The following CWF19L2 variants were observed in gnomAD, a reference collection of about 807,000 sequenced individuals.
CWF19L2 encodes the protein CWF19-like protein 2.
In CWF19L2, 98 loss-of-function variants were observed where a neutral mutation model predicts 111.7. The ratio of observed to expected loss-of-function variants is 0.88; its 90% CI spans 0.75 to 1.04. The LOEUF (loss-of-function observed/expected upper bound fraction) is 1.04, where lower values mean the gene tolerates loss of function less well. Ranked by LOEUF, CWF19L2 falls within the 50% of genes least tolerant of loss-of-function variation. The pLI, the probability that CWF19L2 is intolerant of heterozygous loss-of-function variation, is 0.00. For missense variants in CWF19L2, 1,101 were observed against 1,051.4 expected, an observed-to-expected ratio of 1.05 and a Z score of -0.65; for synonymous variants, 351 against 342.9, an observed-to-expected ratio of 1.02 and a Z score of -0.26.
intron 12 of CWF19L2, among the ~76,000 whole-genome samples, chr11:107,355,234 G>A (rs569134920): frequency 6.6e-6 from 1 of 152,094 alleles, no homozygotes; most frequent in South Asian, 2.1e-4. Context: ...TGACCAACAT[G>A]GTGAAACCCC....
At chr11:107,336,998 TA>T (rs1483392429) in intron 14 of CWF19L2, among the ~76,000 whole-genome samples, 1 of 152,124 alleles carries the variant, frequency 6.6e-6, no homozygotes, top group Non-Finnish European at 1.5e-5. Context: ...AAAGAAGTGA[TA>T]AAAATCAAAT....
At chr11:107,403,807 C>A in intron 10 of CWF19L2, 1 of 856,662 alleles carries the variant, frequency 1.2e-6, no homozygotes, top group South Asian at 1.3e-5. Flanking sequence ...CTTCTACTGT[C>A]AGACCGCACA....
chr11:107,328,025 C>T (rs1368008133), intron 17 of CWF19L2, among the ~76,000 whole-genome samples: 5 of 151,030 alleles, frequency 3.3e-5, no homozygotes, highest in African/African-American at 9.7e-5. Context: ...ACACAGTTGT[C>T]TTCAGACAGA....
intron 8 of CWF19L2, among the ~76,000 whole-genome samples, chr11:107,424,076 C>A (rs1320259098): frequency 1.3e-5 from 2 of 151,660 alleles, no homozygotes. Flanking sequence ...AAGGGGATCA[C>A]CAATATTCTG....
At chr11:107,447,690 C>T (rs1442903501) in intron 3 of CWF19L2, among the ~76,000 whole-genome samples, 2 of 152,156 alleles carry the variant, frequency 1.3e-5, no homozygotes, top group African/African-American at 4.8e-5. Context: ...AAAGGAAACT[C>T]AATACTCTCT....
In CWF19L2 at chr11:107,381,001, T is replaced by C. The variant is rs576793663; in HGVS notation, c.1872+9073A>G. On this transcript the variant is annotated intron_variant, in intron 12 of 17. Transcript: ENST00000282251. ...ATTATATGATTCTACTTATCATTAA[T>C]TACCTAGAACAGGCAAATTCACAGA... is the stretch of plus-strand genomic sequence containing the variant. Among the ~76,000 whole-genome samples, 5 of 152,272 alleles carry C rather than the reference T, an allele frequency of 3.3e-5. No individual in the cohort carries two copies. The South Asian group carries it at 1.0e-3, about 32-fold the overall frequency.
intron 11 of CWF19L2, among the ~76,000 whole-genome samples, chr11:107,391,991 T>C (rs1457505826): frequency 6.6e-6 from 1 of 152,190 alleles, no homozygotes; most frequent in Non-Finnish European, 1.5e-5. Flanking sequence ...TATGGATCCC[T>C]AGTCAGTTCC....
intron 9 of CWF19L2, among the ~76,000 whole-genome samples, chr11:107,417,453 A>G (rs1861243255): frequency 6.6e-6 from 1 of 152,232 alleles, no homozygotes; most frequent in South Asian, 2.1e-4. Context: ...ACACAGTATC[A>G]GGCACAGCAC....
chr11:107,382,383 G>C (rs976243982), intron 12 of CWF19L2, among the ~76,000 whole-genome samples: 24 of 152,284 alleles, frequency 1.6e-4, no homozygotes, highest in African/African-American at 5.5e-4. Flanking sequence ...CAACTCATTA[G>C]CTGTGGGGAC....
At chr11:107,334,289 G>GA (rs1207100716) in intron 16 of CWF19L2, among the ~76,000 whole-genome samples, 7 of 152,084 alleles carry the variant, frequency 4.6e-5, no homozygotes, top group Non-Finnish European at 1.0e-4. Context: ...CTAGAAAAGA[G>GA]AAAAAATCAT....
At position 107,368,123 on chromosome 11, in the gene CWF19L2, C is replaced by A. The variant is rs1047903140; in HGVS notation, c.1873-14387G>T. Among the ~76,000 whole-genome samples, 504 of 51,196 alleles carry A rather than the reference C, an allele frequency of 9.8e-3. 94 individuals are homozygous for A. Among genetic ancestry groups the A allele is most frequent in the Non-Finnish European group, 0.015 (414 of 27,052 alleles). The allele number at this position is 51,196 out of a possible 152,430, so 33.6% of individuals were successfully genotyped here. A position where few individuals can be genotyped will look rare whatever the true frequency, so the allele number is the denominator to read the frequency against. ...CGGGCAGAATAAATTGAGACCCCCC[C>A]CCACACAAAAATACAAAAGATCAGT... On this transcript the variant is annotated intron_variant, in intron 12 of 17. Coordinates refer to ENST00000282251, the MANE Select transcript of CWF19L2 (RefSeq NM_152434.3).
chr11:107,370,919 T>C lies in CWF19L2; in HGVS notation c.1873-17183A>G, dbSNP rs548874135. Among the ~76,000 whole-genome samples, 2 of 138,054 alleles carry C rather than the reference T, an allele frequency of 1.4e-5. 1 individual carries two copies. Among genetic ancestry groups the C allele is most frequent in the Admixed American group, 1.4e-4 (2 of 14,124 alleles). 90.6% of individuals were successfully genotyped at this position (138,054 alleles called of 152,430 possible). On this transcript the variant is annotated intron_variant, in intron 12 of 17. Transcript: ENST00000282251. ...GAGAGACATAAGTACCTTTTATCATTTGTCTGTACAATACCTTTAAGAAAA... is the reference window on the plus strand; with the variant it reads ...GAGAGACATAAGTACCTTTTATCATCTGTCTGTACAATACCTTTAAGAAAA...
intron 14 of CWF19L2, among the ~76,000 whole-genome samples, chr11:107,345,722 A>G (rs1258409387): frequency 6.6e-6 from 1 of 152,168 alleles, no homozygotes; most frequent in Admixed American, 6.5e-5. Flanking sequence ...GTTTAATGGA[A>G]TAATTTGCGT....
chr11:107,335,640 A>C (rs1859911766), intron 15 of CWF19L2, among the ~76,000 whole-genome samples: 1 of 152,174 alleles, frequency 6.6e-6, no homozygotes, highest in Non-Finnish European at 1.5e-5. Context: ...TAGGGAGAAA[A>C]TACATAGAAA....
At chr11:107,414,117 C>A (rs1356587212) in intron 10 of CWF19L2, among the ~76,000 whole-genome samples, 6 of 152,154 alleles carry the variant, frequency 3.9e-5, no homozygotes, top group African/African-American at 1.2e-4. Flanking sequence ...CATGGACTAC[C>A]TCAAAGGATA....
Position 107,390,231 on chromosome 11 carries a change from A to G in CWF19L2, c.1735-20T>C, listed in dbSNP as rs1371767959. On this transcript the variant is annotated intron_variant, in intron 11 of 17. Coordinates refer to ENST00000282251, the MANE Select transcript of CWF19L2 (RefSeq NM_152434.3). ...TGAAACCTATGACAAAATGAACATT[A>G]TTAATTTAATGAAAACATGAGTCTC... The G allele has an allele frequency of 6.4e-7, 1 of 1,557,000 alleles. No homozygotes were observed. Among genetic ancestry groups the G allele is most frequent in the Non-Finnish European group, 8.7e-7 (1 of 1,150,888 alleles).
chr11:107,392,544 G>T (rs1374970784), intron 11 of CWF19L2, among the ~76,000 whole-genome samples: 1 of 152,070 alleles, frequency 6.6e-6, no homozygotes, highest in African/African-American at 2.4e-5. Context: ...AATTAAAATT[G>T]CCTTAAACAT....
At chr11:107,332,497 A>AAT (rs774621049) in intron 16 of CWF19L2, among the ~76,000 whole-genome samples, 13 of 151,948 alleles carry the variant, frequency 8.6e-5, no homozygotes, top group Non-Finnish European at 1.6e-4. Flanking sequence ...TAAAAATCAG[A>AAT]ATGGATTACA....
chr11:107,403,820 C>A (rs556503105), intron 10 of CWF19L2: 3 of 836,000 alleles, frequency 3.6e-6, no homozygotes, highest in Non-Finnish European at 6.2e-6. Flanking sequence ...ACCGCACAAC[C>A]TTTTAAGTTC....
Sources: gnomAD v4.1 joint callset for allele counts (sites outside exome capture counted in the v4.1 genomes callset) on GRCh38, gnomAD v4.1.1 for gene constraint, MANE v1.5 for transcripts, NCBI Gene and HGNC (gene_info 2026-07-23, HGNC 2026-07-21) for gene names.